The following CTNNA3 variants were observed in gnomAD, a reference collection of about 807,000 sequenced individuals.
CTNNA3 encodes catenin alpha-3.
CTNNA3 carries 76 observed loss-of-function variants against 95.7 expected under a neutral mutation model. The observed-to-expected ratio is 0.79, with a 90% CI of 0.66 to 0.96. The LOEUF (loss-of-function observed/expected upper bound fraction) is 0.96. Among genes scored for constraint, CTNNA3 ranks in the 40% least tolerant of loss-of-function variants. The pLI is 0.00. For synonymous variants in CTNNA3, 431 were observed against 374.4 expected (o/e 1.15, Z -1.74); for missense variants, 1,191 against 1,089.8 (o/e 1.09, Z -1.31).
At chr10:66,967,690 G>C (rs1039718273) in intron 7 of CTNNA3, among the ~76,000 whole-genome samples, 1 of 151,958 alleles carries the variant, frequency 6.6e-6, no homozygotes, top group Non-Finnish European at 1.5e-5. Flanking sequence ...AAAAATGAAC[G>C]TTCTAAAAAT....
At chr10:66,328,887 C>T (rs921723898) in intron 12 of CTNNA3, among the ~76,000 whole-genome samples, 3 of 111,986 alleles carry the variant, frequency 2.7e-5, no homozygotes, top group Admixed American at 1.0e-4. Flanking sequence ...TAAATTCATA[C>T]ACATACACAC....
chr10:67,040,009 A>G (rs926312730), intron 7 of CTNNA3, among the ~76,000 whole-genome samples: 66 of 152,046 alleles, frequency 4.3e-4, no homozygotes, highest in African/African-American at 1.5e-3. Context: ...TGTCCTCTCC[A>G]TGTGCTGATC....
At chr10:66,992,209 T>C (rs1330811815) in intron 7 of CTNNA3, among the ~76,000 whole-genome samples, 1 of 152,226 alleles carries the variant, frequency 6.6e-6, no homozygotes, top group Admixed American at 6.5e-5. Context: ...TTTTATCATC[T>C]AATGGCTGTG....
At chr10:66,329,441 G>T (rs937320184) in intron 12 of CTNNA3, among the ~76,000 whole-genome samples, 2 of 151,830 alleles carry the variant, frequency 1.3e-5, no homozygotes, top group Non-Finnish European at 2.9e-5. Flanking sequence ...GTTTCTCCTG[G>T]GCACCCTGTG....
intron 5 of CTNNA3, among the ~76,000 whole-genome samples, chr10:67,384,335 G>A (rs1844062991): frequency 6.6e-6 from 1 of 152,034 alleles, no homozygotes; most frequent in Non-Finnish European, 1.5e-5. Context: ...ATTGCTTAAG[G>A]AATATATGAT....
chr10:67,159,224 C>A (rs1432775770), intron 7 of CTNNA3, among the ~76,000 whole-genome samples: 1 of 152,232 alleles, frequency 6.6e-6, no homozygotes, highest in Non-Finnish European at 1.5e-5. Flanking sequence ...TCAATCACAA[C>A]CCTTTCATGT....
intron 7 of CTNNA3, among the ~76,000 whole-genome samples, chr10:67,134,131 C>T (rs1860173941): frequency 6.6e-6 from 1 of 152,032 alleles, no homozygotes; most frequent in African/African-American, 2.4e-5. Flanking sequence ...GAATAACACA[C>T]CAACTGCTCA....
At position 66,286,796 on chromosome 10, in the gene CTNNA3, C is replaced by T. The variant is rs369282112; in HGVS notation, c.1733-6175G>A. On this transcript the variant is annotated intron_variant, in intron 12 of 17. Coordinates refer to ENST00000433211, the MANE Select transcript of CTNNA3 (RefSeq NM_013266.4). Reference sequence around the variant, plus strand: ...ATAGAATTGATCTTACCTCTACAAACTTCAACTCTCTTTGCACAGTTGTCT... The same window carrying T: ...ATAGAATTGATCTTACCTCTACAAATTTCAACTCTCTTTGCACAGTTGTCT... 5.0e-4 allele frequency among the ~76,000 whole-genome samples: 76 copies of T among 152,154 alleles called. No homozygotes were observed. In the South Asian group the frequency reaches 0.015, roughly 31 times the overall value.
At chr10:66,105,831 T>G (rs1487377568) in intron 13 of CTNNA3, among the ~76,000 whole-genome samples, 2 of 152,244 alleles carry the variant, frequency 1.3e-5, no homozygotes, top group Admixed American at 6.5e-5. Flanking sequence ...TGAAAATAAA[T>G]AGTTAAATAC....
At chr10:67,233,924 A>C (rs1014268484) in intron 5 of CTNNA3, among the ~76,000 whole-genome samples, 1 of 152,224 alleles carries the variant, frequency 6.6e-6, no homozygotes, top group Non-Finnish European at 1.5e-5. Flanking sequence ...GAAACGGATA[A>C]ATTCCTCGAC....
At chr10:66,111,280 G>C (rs916056902) in intron 13 of CTNNA3, among the ~76,000 whole-genome samples, 3 of 152,072 alleles carry the variant, frequency 2.0e-5, no homozygotes, top group African/African-American at 7.2e-5. Context: ...TTCACCTTCT[G>C]CCATGATTGT....
At chr10:67,605,057 A>G (rs976246034) in intron 3 of CTNNA3, among the ~76,000 whole-genome samples, 2 of 152,192 alleles carry the variant, frequency 1.3e-5, no homozygotes, top group African/African-American at 2.4e-5. Flanking sequence ...GAAGTAAAGG[A>G]AATCACCACT....
At chr10:66,360,816 C>CCTTT (rs758092288) in intron 12 of CTNNA3, among the ~76,000 whole-genome samples, 597 of 50,166 alleles carry the variant, frequency 0.012, 39 homozygotes, top group East Asian at 0.034. Flanking sequence ...TTCCTTCCTT[C>CCTTT]CTTTCTTTCT....
At chr10:67,036,714 C>T (rs925380574) in intron 7 of CTNNA3, among the ~76,000 whole-genome samples, 1 of 151,974 alleles carries the variant, frequency 6.6e-6, no homozygotes, top group African/African-American at 2.4e-5. Flanking sequence ...AGGCTGTGCC[C>T]ATTCATTTGT....
At chr10:66,792,276 A>G (rs1841001428) in intron 7 of CTNNA3, among the ~76,000 whole-genome samples, 1 of 152,216 alleles carries the variant, frequency 6.6e-6, no homozygotes, top group African/African-American at 2.4e-5. Flanking sequence ...CATGATGTCT[A>G]CTAATATTCC....
intron 11 of CTNNA3, among the ~76,000 whole-genome samples, chr10:66,488,650 A>C (rs950184321): frequency 1.3e-5 from 2 of 152,168 alleles, no homozygotes; most frequent in African/African-American, 2.4e-5. Context: ...CACTGTCTTT[A>C]AGTTGAAGTT....
chr10:66,705,219 C>A (rs1021547801), intron 9 of CTNNA3, among the ~76,000 whole-genome samples: 5 of 151,898 alleles, frequency 3.3e-5, no homozygotes, highest in Admixed American at 6.6e-5. Context: ...AATCGTATTT[C>A]ATTAGGATAT....
At chr10:66,753,678 T>C (rs7084231) in intron 9 of CTNNA3, among the ~76,000 whole-genome samples, 2 of 148,652 alleles carry the variant, frequency 1.3e-5, no homozygotes, top group South Asian at 4.2e-4. Context: ...AAAAAGAAAA[T>C]ATATATATAT....
intron 7 of CTNNA3, among the ~76,000 whole-genome samples, chr10:66,923,654 A>G (rs1240382112): frequency 1.3e-5 from 2 of 152,210 alleles, no homozygotes; most frequent in Admixed American, 1.3e-4. Context: ...TGAAGACAAG[A>G]TATCTGTGAA....
Sources: allele counts gnomAD v4.1 joint callset (sites outside exome capture counted in the v4.1 genomes callset), GRCh38; gene constraint gnomAD v4.1.1; transcripts MANE v1.5; gene names NCBI Gene and HGNC (gene_info 2026-07-23, HGNC 2026-07-21).